URI1: variants seen among roughly 807,000 people sequenced by gnomAD.
URI1 encodes the protein unconventional prefoldin RPB5 interactor 1.
Under a neutral mutation model 60.2 loss-of-function variants are expected in URI1, and 39 were observed. That is an observed-to-expected ratio of 0.65 (90% confidence interval 0.50 to 0.85). The LOEUF is 0.85. Among genes scored for constraint, URI1 ranks in the 40% least tolerant of loss-of-function variants. The pLI, the probability that URI1 is intolerant of heterozygous loss-of-function variation, is 0.00. For missense variants in URI1, 691 were observed against 665.9 expected, an observed-to-expected ratio of 1.04 and a Z score of -0.42; for synonymous variants, 251 against 236.8, an observed-to-expected ratio of 1.06 and a Z score of -0.55.
chr19:29,946,941 G>A (rs1222756968), intron 1 of URI1, among the ~76,000 whole-genome samples: 2 of 152,192 alleles, frequency 1.3e-5, no homozygotes, highest in East Asian at 3.8e-4. Context: ...TGGGTGTTTG[G>A]TAGGTAAGGC....
chr19:29,948,018 G>T (rs933270446), intron 1 of URI1, among the ~76,000 whole-genome samples: 1 of 152,198 alleles, frequency 6.6e-6, no homozygotes, highest in Non-Finnish European at 1.5e-5. Flanking sequence ...TGTCCCATCA[G>T]CATTTATTGG....
upstream of URI1, among the ~76,000 whole-genome samples, chr19:29,941,536 G>A (rs1177693211): frequency 1.3e-5 from 2 of 151,808 alleles, no homozygotes; most frequent in African/African-American, 4.8e-5. Flanking sequence ...TGGGAAGATC[G>A]CTTGAGTCTA....
At chr19:29,987,419 TA>T (rs2055685759) in intron 4 of URI1, among the ~76,000 whole-genome samples, 1 of 152,232 alleles carries the variant, frequency 6.6e-6, no homozygotes, top group African/African-American at 2.4e-5. Flanking sequence ...AATTGATATA[TA>T]TTTTGATCTT....
At chr19:29,980,953 TTAG>T (rs2055590149) in intron 2 of URI1, among the ~76,000 whole-genome samples, 2 of 151,458 alleles carry the variant, frequency 1.3e-5, no homozygotes, top group South Asian at 4.2e-4. Flanking sequence ...AAGTTCAATG[TTAG>T]TATTTGCTGT....
intron 2 of URI1, among the ~76,000 whole-genome samples, chr19:29,982,307 GATT>G (rs2055608906): frequency 6.6e-6 from 1 of 152,144 alleles, no homozygotes; most frequent in Non-Finnish European, 1.5e-5. Context: ...GTTGAAAACT[GATT>G]ATATTTGACT....
At chr19:29,992,977 A>G (rs1020112234) in intron 4 of URI1, among the ~76,000 whole-genome samples, 6 of 152,244 alleles carry the variant, frequency 3.9e-5, no homozygotes, top group African/African-American at 1.2e-4. Flanking sequence ...TTTTACTTAT[A>G]GGATGATCTT....
chr19:30,013,042 G>GA (rs1343438926), intron 10 of URI1: 2 of 152,542 alleles, frequency 1.3e-5, no homozygotes, highest in South Asian at 2.1e-4. Context: ...CCTGTCCATA[G>GA]AAAAAATAGT....
At chr19:29,977,273 T>A (rs2055535156) in intron 2 of URI1, among the ~76,000 whole-genome samples, 1 of 152,160 alleles carries the variant, frequency 6.6e-6, no homozygotes, top group South Asian at 2.1e-4. Flanking sequence ...CTGAACTATA[T>A]CATTGTAACA....
intron 1 of URI1, among the ~76,000 whole-genome samples, chr19:29,970,126 G>GTT (rs1423502604): frequency 5.1e-5 from 5 of 98,266 alleles, no homozygotes; most frequent in Non-Finnish European, 8.0e-5. Flanking sequence ...AAAATCGTGT[G>GTT]TATTTTTTTT....
intron 4 of URI1, among the ~76,000 whole-genome samples, chr19:30,000,592 C>T (rs1463375974): frequency 6.6e-6 from 1 of 151,848 alleles, no homozygotes. Flanking sequence ...ATACATTATT[C>T]TGTTACCTCC....
At chr19:29,955,812 A>T (rs1187022574) in intron 1 of URI1, among the ~76,000 whole-genome samples, 1 of 151,606 alleles carries the variant, frequency 6.6e-6, no homozygotes, top group Non-Finnish European at 1.5e-5. Context: ...GCAGGTCTCA[A>T]ACTCCTGACC....
intron 1 of URI1, among the ~76,000 whole-genome samples, chr19:29,935,055 T>C (rs1394562784): frequency 6.6e-6 from 1 of 152,242 alleles, no homozygotes; most frequent in African/African-American, 2.4e-5. Context: ...ATTTAATAGC[T>C]ATTTGCTTTT....
intron 1 of URI1, among the ~76,000 whole-genome samples, chr19:29,936,750 A>G (rs2054976269): frequency 6.6e-6 from 1 of 151,272 alleles, no homozygotes; most frequent in East Asian, 1.9e-4. Context: ...GGCTCTGTTC[A>G]TTTTTCCTTT....
At chr19:30,006,224 G>A (rs750550712) in intron 6 of URI1, among the ~76,000 whole-genome samples, 15 of 152,118 alleles carry the variant, frequency 9.9e-5, no homozygotes, top group Non-Finnish European at 1.6e-4. Context: ...GCTGGCTTAT[G>A]TGTTTGGGTT....
At chr19:29,930,707 T>G (rs1356417983) in intron 1 of URI1, among the ~76,000 whole-genome samples, 3 of 152,106 alleles carry the variant, frequency 2.0e-5, no homozygotes, top group Non-Finnish European at 4.4e-5. Context: ...GTTTTTTTTG[T>G]TTTTTGAGAC....
intron 1 of URI1, among the ~76,000 whole-genome samples, chr19:29,944,141 A>ATG (rs2145227796): frequency 1.9e-4 from 1 of 5,270 alleles, no homozygotes; most frequent in South Asian, 9.4e-3. Context: ...CCTGTCATTC[A>ATG]TATATATATA....
At chr19:30,007,420 C>G in intron 6 of URI1, 50 bp from the exon 7 acceptor site, 2 of 1,588,956 alleles carry the variant, frequency 1.3e-6, no homozygotes, top group Non-Finnish European at 1.7e-6. Context: ...GGGTTTGTGC[C>G]TTTTTTATGT....
chr19:29,996,475 T>TG (rs1209479222), intron 4 of URI1, among the ~76,000 whole-genome samples: 9 of 145,362 alleles, frequency 6.2e-5, no homozygotes, highest in African/African-American at 2.5e-4. Context: ...TTTACAAGGG[T>TG]GTTTTGTGTG....
At chr19:30,005,731 G>A (rs1211246081) in intron 6 of URI1, 23 bp downstream of exon 6, 4 of 1,597,606 alleles carry the variant, frequency 2.5e-6, no homozygotes, top group Non-Finnish European at 3.4e-6. Flanking sequence ...ATTGTTTTAT[G>A]TGTAGCTGTT....
Sources: gnomAD v4.1 joint callset for allele counts (sites outside exome capture counted in the v4.1 genomes callset) on GRCh38, gnomAD v4.1.1 for gene constraint, MANE v1.5 for transcripts, NCBI Gene and HGNC (gene_info 2026-07-23, HGNC 2026-07-21) for gene names.